PCF11: variants seen among roughly 807,000 people sequenced by gnomAD.
PCF11 encodes the protein PCF11 cleavage and polyadenylation factor subunit, also known as pre-mRNA cleavage complex 2 protein Pcf11.
Under a neutral mutation model 166.1 loss-of-function variants are expected in PCF11, and 19 were observed. The ratio of observed to expected loss-of-function variants is 0.11; its 90% CI spans 0.08 to 0.17. PCF11 has a LOEUF of 0.17. PCF11 is among the 10% of genes least tolerant of loss of function. The probability of loss-of-function intolerance (pLI) is 1.00; values close to 1 mark genes in which losing one functional copy is unlikely to be tolerated. For synonymous variants in PCF11, 663 were observed against 644.1 expected (o/e 1.03, Z -0.44); for missense variants, 1,565 against 1,855.5 (o/e 0.84, Z 2.88).
Position 83,164,283 on chromosome 11 carries a change from A to G in PCF11, c.584A>G (p.Gln195Arg), listed in dbSNP as rs776432199. The stretch of plus-strand genomic sequence containing the variant: ...ACTCCTCCAATTGTTCCTGATATAC[A>G]AAAGAATCTTACACAAGAACAACTA... The change falls in exon 4 of 16, where the codon CAA becomes CGA. Residue 195 changes from glutamine (Q) to arginine (R), a missense_variant. This residue lies in a region of PCF11 where 71 missense variants were observed against 62.9 expected (regional missense o/e 1.13). Transcript: ENST00000298281. 9.3e-6 allele frequency: 15 copies of G among 1,613,848 alleles called. No homozygotes were observed. In the South Asian group the frequency reaches 1.6e-4, roughly 18 times the overall value.
intron 9 of PCF11, among the ~76,000 whole-genome samples, chr11:83,173,141 A>G (rs1860743908): frequency 6.6e-6 from 1 of 152,154 alleles, no homozygotes; most frequent in South Asian, 2.1e-4. Context: ...ATCTCCCCTG[A>G]GGTTCAGTTT....
chr11:83,183,137 T>C, intron 15 of PCF11, 64 bp downstream of exon 15: 2 of 937,106 alleles, frequency 2.1e-6, no homozygotes, highest in Non-Finnish European at 3.2e-6. Context: ...TTTTCAGTTT[T>C]TTTTTTGCAT....
chr11:83,181,915 A>G, exon 13 of PCF11: 2 of 1,611,180 alleles, frequency 1.2e-6, no homozygotes, highest in Non-Finnish European at 1.7e-6. Flanking sequence ...CAGTTTTTTG[A>G]AAAGGTGCAT....
chr11:83,173,444 A>G (rs1241271305), intron 9 of PCF11, among the ~76,000 whole-genome samples: 2 of 150,098 alleles, frequency 1.3e-5, no homozygotes, highest in African/African-American at 4.9e-5. Context: ...ACAGAGTGAG[A>G]CTCCGTCTCA....
At chr11:83,187,083 C>G (rs1861317959) in exon 16 of PCF11, 1 of 152,138 alleles carries the variant, frequency 6.6e-6, no homozygotes, top group East Asian at 1.9e-4. Flanking sequence ...CAGGCTGGAT[C>G]AGTGCAGTAG....
At chr11:83,166,628 A>G in exon 5 of PCF11, 1 of 1,613,514 alleles carries the variant, frequency 6.2e-7, no homozygotes, top group Non-Finnish European at 8.5e-7. Flanking sequence ...CTACAAAGTC[A>G]GGCACTGAAC....
At chr11:83,170,031 A>T in intron 8 of PCF11, 36 bp downstream of exon 8, 1 of 1,495,940 alleles carries the variant, frequency 6.7e-7, no homozygotes, top group South Asian at 1.4e-5. Flanking sequence ...TTGTATGCAG[A>T]TAAGTTAACC....
At position 83,167,140 on chromosome 11, in the gene PCF11, T is replaced by G. The variant is rs924110719; in HGVS notation, c.1833T>G (p.Asp611Glu). 6.2e-6 allele frequency: 10 copies of G among 1,612,290 alleles called. No homozygotes were observed. The highest frequency in any genetic ancestry group is 7.6e-6 in the Non-Finnish European group (9 of 1,179,002). ...ATGGTTTCAGCTTACAACAGGTTGATGAACATAGTAAACCTCCTCATCTGA... is the reference window on the plus strand; with the variant it reads ...ATGGTTTCAGCTTACAACAGGTTGAGGAACATAGTAAACCTCCTCATCTGA... The change falls in exon 6 of 16, where the codon GAT becomes GAG. Residue 611 changes from aspartate to glutamate, a missense_variant. Asp to Glu is a conservative substitution (Grantham distance 45). Coordinates refer to ENST00000298281, the Ensembl canonical transcript of PCF11. The surrounding 1 kb of genome is among the most constrained non-coding windows in gnomAD (Gnocchi z 4.2).
At chr11:83,186,750 A>C (rs1861305654) in exon 16 of PCF11, 1 of 152,236 alleles carries the variant, frequency 6.6e-6, no homozygotes, top group Admixed American at 6.5e-5. Context: ...TTTGAGTTGT[A>C]AACACGTAAC....
chr11:83,185,161 C>G, exon 16 of PCF11: 1 of 301,030 alleles, frequency 3.3e-6, no homozygotes, highest in Non-Finnish European at 6.0e-6. Context: ...TACGATTTTT[C>G]ACTGTGCAAC....
chr11:83,162,448 ATC>A (rs1220645703), intron 2 of PCF11, among the ~76,000 whole-genome samples: 8 of 152,248 alleles, frequency 5.3e-5, no homozygotes, highest in African/African-American at 1.9e-4. Context: ...AAAGCTCTAT[ATC>A]ATATAGCATT....
chr11:83,161,762 C>G (rs1023244603), intron 2 of PCF11, among the ~76,000 whole-genome samples: 1 of 152,152 alleles, frequency 6.6e-6, no homozygotes, highest in Non-Finnish European at 1.5e-5. Flanking sequence ...GCAAAAAGAT[C>G]TGAAATCGTC....
At position 83,182,872 on chromosome 11, in the gene PCF11, G is replaced by C. The variant is rs151174156; in HGVS notation, c.4417-166G>C. Among the ~76,000 whole-genome samples, 7 of 152,314 alleles carry C rather than the reference G, an allele frequency of 4.6e-5. No homozygotes were observed. The East Asian group carries it at 1.2e-3, about 25-fold the overall frequency. ...TGGGCCAAGAGAAGTCAGTTTTTCA[G>C]ACTCTTTAAGCATAAGGATGAAAAT... On this transcript the variant is annotated intron_variant, in intron 14 of 15. Transcript: ENST00000298281.
chr11:83,171,911 T>G lies in PCF11; in HGVS notation c.3754T>G (p.Ser1252Ala), dbSNP rs569851563. ...AAATCCTGGATTTGTTCAGAATCCTTCAGGTATGTACTTTCTGAACTTTGT... is the reference window on the plus strand; with the variant it reads ...AAATCCTGGATTTGTTCAGAATCCTGCAGGTATGTACTTTCTGAACTTTGT... The change falls in exon 9 of 16, where the codon TCA becomes GCA. Residue 1252 changes from serine to alanine, a missense_variant. This residue lies in a region of PCF11 where 725 missense variants were observed against 749.3 expected (regional missense o/e 0.97). Transcript: ENST00000298281. 4.6e-5 allele frequency: 68 copies of G among 1,472,636 alleles called. No homozygotes were observed. In the East Asian group the frequency reaches 1.4e-3, roughly 30 times the overall value. 91.2% of individuals were successfully genotyped at this position (1,472,636 alleles called of 1,614,324 possible). A position where few individuals can be genotyped will look rare whatever the true frequency, so the allele number is the denominator to read the frequency against.
In PCF11 at chr11:83,166,222, T is replaced by C. The variant is rs1401061755; in HGVS notation, c.1325T>C (p.Leu442Pro). ...CACATGAAGTCATCCGAACACAGAC[T>C]GGCTGGAAGTAGAAATAAAATCATA... The change falls in exon 5 of 16, where the codon CTG becomes CCG. Residue 442 changes from leucine to proline, a missense_variant. Physicochemically the swap from Leu to Pro is moderately conservative, Grantham distance 98. Transcript: ENST00000298281. 2.5e-6 allele frequency: 4 copies of C among 1,613,114 alleles called. No individual in the cohort carries two copies. The East Asian group carries it at 8.9e-5, about 36-fold the overall frequency.
intron 11 of PCF11, 173 bp from the exon 12 acceptor site, chr11:83,180,835 A>G (rs1445278384): frequency 2.4e-6 from 1 of 411,630 alleles, no homozygotes; most frequent in Non-Finnish European, 4.4e-6. Flanking sequence ...GTTAAGGTAA[A>G]GAGGGTCAAT....
At position 83,167,953 on chromosome 11, in the gene PCF11, A is replaced by T; in HGVS notation, c.2092+448A>T. ...TTGAATCACACAGCAGTGAAGGGAA[A>T]ATGAACAAGCTAAGTGGGGATGGAT... On this transcript the variant is annotated intron_variant, in intron 7 of 15. Transcript: ENST00000298281. This position sits in a 1 kb window ranked among gnomAD's most constrained non-coding sequence, Gnocchi z 4.2. 3 of 1,217,006 alleles carry T rather than the reference A, an allele frequency of 2.5e-6. No homozygotes were observed. The highest frequency in any genetic ancestry group is 3.2e-6 in the Non-Finnish European group (3 of 949,148). 75.4% of individuals were successfully genotyped at this position (1,217,006 alleles called of 1,614,324 possible).
intron 13 of PCF11, 66 bp downstream of exon 13, chr11:83,182,075 C>G (rs1046588758): frequency 5.1e-5 from 63 of 1,224,184 alleles, no homozygotes; most frequent in South Asian, 7.8e-5. Context: ...TGTAAATACT[C>G]ATAAACACAT....
At chr11:83,173,788 G>A (rs1269474463) in intron 9 of PCF11, among the ~76,000 whole-genome samples, 2 of 133,790 alleles carry the variant, frequency 1.5e-5, no homozygotes, top group African/African-American at 2.8e-5. Flanking sequence ...GGAGTGCAGT[G>A]GCATGATCTC....
Sources: allele counts gnomAD v4.1 joint callset (sites outside exome capture counted in the v4.1 genomes callset), GRCh38; gene constraint gnomAD v4.1.1; regional missense constraint gnomAD v4.1.1; non-coding constraint Gnocchi (gnomAD v3.1); transcripts MANE v1.5; gene names NCBI Gene and HGNC (gene_info 2026-07-23, HGNC 2026-07-21).